NPLOC4: variants seen among roughly 807,000 people sequenced by gnomAD.
NPLOC4 encodes the protein nuclear protein localization protein 4 homolog.
NPLOC4 carries 18 observed loss-of-function variants against 80.6 expected under a neutral mutation model. That is an observed-to-expected ratio of 0.22 (90% CI 0.15 to 0.33). NPLOC4 has a LOEUF of 0.33. Among genes scored for constraint, NPLOC4 ranks in the 10% least tolerant of loss-of-function variants. The pLI, the probability that NPLOC4 is intolerant of heterozygous loss-of-function variation, is 1.00. For synonymous variants in NPLOC4, 313 were observed against 301.5 expected (o/e 1.04, Z -0.39); for missense variants, 540 against 786.1 (o/e 0.69, Z 3.74).
rs570333526 is a variant in NPLOC4 at position 81,610,398 on chromosome 17, A to T, written c.387-140T>A. The T allele has an allele frequency of 9.0e-5, 63 of 696,386 alleles. No homozygotes were observed. The East Asian group carries it at 1.7e-3, about 19-fold the overall frequency. The allele number at this position is 696,386 out of a possible 1,614,324, so 43.1% of individuals were successfully genotyped here. A position where few individuals can be genotyped will look rare whatever the true frequency, so the allele number is the denominator to read the frequency against. On this transcript the variant is annotated intron_variant, in intron 4 of 16. Transcript: ENST00000331134. Reference sequence around the variant, plus strand: ...TATATTCCAGATGGCACATGGATAAACATTTATATTTTAATTGTTGTTTTG... The same window carrying T: ...TATATTCCAGATGGCACATGGATAATCATTTATATTTTAATTGTTGTTTTG...
chr17:81,571,337 C>T (rs2034156153), intron 13 of NPLOC4, among the ~76,000 whole-genome samples: 1 of 152,314 alleles, frequency 6.6e-6, no homozygotes. Context: ...GCTCATCCTG[C>T]CATCCTTGCT....
In NPLOC4 at chr17:81,624,266, A is replaced by C. The variant is rs141720288; in HGVS notation, c.97-1988T>G. Among the ~76,000 whole-genome samples, 18 of 151,988 alleles carry C rather than the reference A, an allele frequency of 1.2e-4. No individual in the cohort carries two copies. The East Asian group carries it at 3.3e-3, about 28-fold the overall frequency. On this transcript the variant is annotated intron_variant, in intron 2 of 16. Coordinates refer to ENST00000331134, the MANE Select transcript of NPLOC4 (RefSeq NM_017921.4). ...AAACCCCATTTCTACTAAAATACAA[A>C]AATTAGCTAGGCGTGGTGGCGGACA... is the stretch of plus-strand genomic sequence containing the variant.
chr17:81,618,846 T>G (rs1038109036), intron 3 of NPLOC4, among the ~76,000 whole-genome samples: 4 of 151,214 alleles, frequency 2.6e-5, no homozygotes, highest in African/African-American at 9.7e-5. Context: ...GACTTTTCAT[T>G]TTGTTCTGTA....
In NPLOC4 at chr17:81,582,745, C is replaced by T. The variant is rs140287472; in HGVS notation, c.1281+6199G>A. 4.7e-3 allele frequency among the ~76,000 whole-genome samples: 714 copies of T among 152,340 alleles called. 6 individuals carry two copies. Among genetic ancestry groups the T allele is most frequent in the Non-Finnish European group, 7.4e-3 (504 of 68,036 alleles). ...AAGGAAAAGACAGAAGACAGTCAAG[C>T]GCCTCCTGGCTGTACAACAGTCTAC... On this transcript the variant is annotated intron_variant, in intron 12 of 16. Coordinates refer to ENST00000331134, the MANE Select transcript of NPLOC4 (RefSeq NM_017921.4).
chr17:81,588,210 T>C (rs1272945852), intron 12 of NPLOC4: 2 of 152,172 alleles, frequency 1.3e-5, no homozygotes, highest in East Asian at 3.8e-4. Flanking sequence ...GAACAGAGTA[T>C]CAGTAAACTG....
chr17:81,562,217 G>A (rs2033872537), intron 16 of NPLOC4: 1 of 151,900 alleles, frequency 6.6e-6, no homozygotes, highest in Non-Finnish European at 1.5e-5. Context: ...GGGTGACAGG[G>A]TGAGATTCCG....
Position 81,613,324 on chromosome 17 carries a change from G to A in NPLOC4, c.380C>T (p.Pro127Leu), listed in dbSNP as rs760238609. ...QDGKIYRSRD[P>L]QLCRHGPLGK... Reference sequence around the variant, plus strand: ...AATCTCATGGATCACTTACAGCTGTGGGTCTCGGCTTCTGTAAATCTTCCC... The same window carrying A: ...AATCTCATGGATCACTTACAGCTGTAGGTCTCGGCTTCTGTAAATCTTCCC... Residue 127 changes from proline to leucine, a missense_variant, in exon 4 of 17, where the codon CCA (proline) becomes CTA (leucine). Physicochemically the swap from Pro to Leu is moderately conservative, Grantham distance 98. Transcript: ENST00000331134. 13 of 1,613,100 alleles carry A rather than the reference G, an allele frequency of 8.1e-6. No homozygotes were observed. In the East Asian group the frequency reaches 2.2e-4, roughly 28 times the overall value.
chr17:81,633,468 C>A (rs1598699665), intron 1 of NPLOC4, among the ~76,000 whole-genome samples: 1 of 152,300 alleles, frequency 6.6e-6, no homozygotes, highest in South Asian at 2.1e-4. Flanking sequence ...AGATGGGAGT[C>A]CAGGTTTCCA....
chr17:81,585,170 CAAAAA>C (rs35473939), intron 12 of NPLOC4, among the ~76,000 whole-genome samples: 7 of 40,884 alleles, frequency 1.7e-4, no homozygotes, highest in African/African-American at 5.2e-4. Context: ...ACTCTGTCGC[CAAAAA>C]AAAAAAAAAA....
intron 6 of NPLOC4, among the ~76,000 whole-genome samples, chr17:81,608,104 G>C (rs1394557365): frequency 6.6e-6 from 1 of 151,232 alleles, no homozygotes; most frequent in Non-Finnish European, 1.5e-5. Context: ...ACCTGGCTGA[G>C]CCTGTGGGCA....
At chr17:81,601,419 A>C (rs1222441773) in intron 8 of NPLOC4, among the ~76,000 whole-genome samples, 3 of 152,204 alleles carry the variant, frequency 2.0e-5, no homozygotes, top group Admixed American at 1.3e-4. Flanking sequence ...CTGCATAAGC[A>C]AATTTTTGTG....
chr17:81,620,235 C>T (rs1242690600), intron 3 of NPLOC4, among the ~76,000 whole-genome samples: 1 of 152,182 alleles, frequency 6.6e-6, no homozygotes, highest in Non-Finnish European at 1.5e-5. Flanking sequence ...CGGTGGCTCA[C>T]ACCTGTAATC....
At position 81,559,342 on chromosome 17, in the gene NPLOC4, C is replaced by T; in HGVS notation, c.1744G>A (p.Ala582Thr). 1 of 1,606,888 alleles carries T rather than the reference C, an allele frequency of 6.2e-7. No individual in the cohort carries two copies. The highest frequency in any genetic ancestry group is 8.5e-7 in the Non-Finnish European group (1 of 1,177,190). ...GTGCAGTGCTGACAGGCCCACATGG[C>T]TGCAGTGGCCGTGTGTGTGGAGCCC... Reference protein sequence around the residue: ...VGGSTHTATAAMWACQHCTFM... With the variant: ...VGGSTHTATATMWACQHCTFM... The change falls in exon 17 of 17, where the codon GCC (alanine) becomes ACC (threonine). Residue 582 changes from alanine (A) to threonine (T), a missense_variant. Around this residue, in one of 6 missense-constraint regions of NPLOC4, gnomAD observed 87 missense variants for 70.3 expected, o/e 1.24. Transcript: ENST00000331134.
intron 3 of NPLOC4, among the ~76,000 whole-genome samples, chr17:81,615,885 T>C (rs996743683): frequency 9.2e-5 from 14 of 152,194 alleles, no homozygotes; most frequent in African/African-American, 3.4e-4. Context: ...AAAGGCCTGC[T>C]GGGCCATGCA....
intron 6 of NPLOC4, among the ~76,000 whole-genome samples, chr17:81,607,791 C>T (rs1341959130): frequency 6.6e-6 from 1 of 152,178 alleles, no homozygotes; most frequent in Non-Finnish European, 1.5e-5. Flanking sequence ...GGGTTTCTAG[C>T]AGGTTTTTTC....
chr17:81,595,531 TA>T (rs1426253045), intron 11 of NPLOC4, among the ~76,000 whole-genome samples: 29 of 85,824 alleles, frequency 3.4e-4, no homozygotes, highest in Non-Finnish European at 6.1e-4. Flanking sequence ...CATATATATA[TA>T]TATTTTTTTT....
intron 2 of NPLOC4, among the ~76,000 whole-genome samples, chr17:81,627,632 G>T (rs373669439): frequency 6.6e-6 from 1 of 152,080 alleles, no homozygotes; most frequent in African/African-American, 2.4e-5. Flanking sequence ...CCAGCTACTC[G>T]GAAGGCTGAG....
rs961207122 is a variant in NPLOC4 at position 81,572,708 on chromosome 17, C to A, written c.1282-620G>T. Among the ~76,000 whole-genome samples, 1 of 152,196 alleles carries A rather than the reference C, an allele frequency of 6.6e-6. No individual in the cohort carries two copies. Among genetic ancestry groups the A allele is most frequent in the Non-Finnish European group, 1.5e-5 (1 of 68,036 alleles). On this transcript the variant is annotated intron_variant, in intron 12 of 16. Transcript: ENST00000331134. The surrounding 1 kb of genome is among the most constrained non-coding windows in gnomAD (Gnocchi z 4.5). ...CATGGCGCTTGGCCTGGCACTCAGG[C>A]GCGATCTGCGACAGGCAGAAGGGTC...
chr17:81,599,488 T>C lies in NPLOC4; in HGVS notation c.921+853A>G, dbSNP rs1490633878. On this transcript the variant is annotated intron_variant, in intron 9 of 16. Coordinates refer to ENST00000331134, the MANE Select transcript of NPLOC4 (RefSeq NM_017921.4). ...TGCTGACTCCTTGTTAGAAACAGGA[T>C]GTTTCTTTCCTAAAGACAGTAAAAC... Among the ~76,000 whole-genome samples, 3 of 152,176 alleles carry C rather than the reference T, an allele frequency of 2.0e-5. No homozygotes were observed. In the East Asian group the frequency reaches 5.8e-4, roughly 29 times the overall value.
Sources: gnomAD v4.1 joint callset for allele counts (sites outside exome capture counted in the v4.1 genomes callset) on GRCh38, gnomAD v4.1.1 for gene constraint, gnomAD v4.1.1 regional missense constraint, Gnocchi (gnomAD v3.1) non-coding constraint, MANE v1.5 for transcripts, NCBI Gene and HGNC (gene_info 2026-07-23, HGNC 2026-07-21) for gene names.